Variants in NKD1 observed in about 807,000 individuals in gnomAD.
The protein encoded by NKD1 is NKD inhibitor of Wnt signaling pathway 1, also known as protein naked cuticle homolog 1.
In NKD1, 21 loss-of-function variants were observed where a neutral mutation model predicts 56.0. The ratio of observed to expected loss-of-function variants is 0.38; its 90% CI spans 0.27 to 0.54. NKD1 has a LOEUF of 0.54. NKD1 is among the 20% of genes least tolerant of loss of function. The pLI, the probability that NKD1 is intolerant of heterozygous loss-of-function variation, is 0.82. For synonymous variants in NKD1, 263 were observed against 265.7 expected (o/e 0.99, Z 0.10); for missense variants, 578 against 642.7 (o/e 0.90, Z 1.09).
chr16:50,549,983 TTGTC>T (rs1960342422), intron 3 of NKD1, among the ~76,000 whole-genome samples: 1 of 152,066 alleles, frequency 6.6e-6, no homozygotes, highest in Non-Finnish European at 1.5e-5. Context: ...TATGTTCTGA[TTGTC>T]TGTGGCATTC....
Position 50,633,277 on chromosome 16 carries a change from C to A in NKD1, c.909C>A (p.Ile303=). 1 of 1,614,186 alleles carries A rather than the reference C, an allele frequency of 6.2e-7. No homozygotes were observed. Among genetic ancestry groups the A allele is most frequent in the Non-Finnish European group, 8.5e-7 (1 of 1,180,018 alleles). The change falls in exon 10 of 10, where the codon ATC becomes ATA. Residue 303 remains isoleucine, a synonymous_variant. Coordinates refer to ENST00000268459, the MANE Select transcript of NKD1 (RefSeq NM_033119.5). The surrounding 1 kb of genome is among the most constrained non-coding windows in gnomAD (Gnocchi z 4.9). ...CTCGCTCCCATGAGCCGGAAGCCAT[C>A]CACATCCCACACCGAAAGCCCCAAG... ...TRSRSHEPEA[I]HIPHRKPQGV... is the part of the protein sequence containing the mutation.
intron 3 of NKD1, among the ~76,000 whole-genome samples, chr16:50,601,130 G>GA (rs1349341298): frequency 6.6e-6 from 1 of 152,232 alleles, no homozygotes; most frequent in East Asian, 1.9e-4. Flanking sequence ...TCTCGCCTCA[G>GA]CCTCCGCAGC....
At chr16:50,603,196 AT>A (rs1252540019) in intron 3 of NKD1, among the ~76,000 whole-genome samples, 1 of 152,244 alleles carries the variant, frequency 6.6e-6, no homozygotes, top group Non-Finnish European at 1.5e-5. Flanking sequence ...AAATTAAGTA[AT>A]GTGTCTGCTG....
intron 3 of NKD1, among the ~76,000 whole-genome samples, chr16:50,565,466 C>T (rs990342398): frequency 6.6e-6 from 1 of 152,012 alleles, no homozygotes; most frequent in South Asian, 2.1e-4. Flanking sequence ...ATTGCTTGAG[C>T]CCAGGAGTTT....
chr16:50,588,453 CTG>C (rs1169144206), intron 3 of NKD1, among the ~76,000 whole-genome samples: 1 of 152,224 alleles, frequency 6.6e-6, no homozygotes, highest in African/African-American at 2.4e-5. Context: ...CCCCACTGGG[CTG>C]AGATCTGTTC....
intron 3 of NKD1, among the ~76,000 whole-genome samples, chr16:50,597,048 T>G (rs909746888): frequency 4.0e-5 from 6 of 151,498 alleles, no homozygotes; most frequent in Admixed American, 3.9e-4. Flanking sequence ...GGGGCTTTGA[T>G]GGGCTTTGGT....
In NKD1 at chr16:50,549,417, C is replaced by G. The variant is rs1960323954; in HGVS notation, c.59-5C>G. ...CTCAGGGGCTTCATGTCGTCCCCGTCCCAGGTGACAGCTTCGCCGTGAGCG... is the reference window on the plus strand; with the variant it reads ...CTCAGGGGCTTCATGTCGTCCCCGTGCCAGGTGACAGCTTCGCCGTGAGCG... On this transcript the variant is annotated splice_polypyrimidine_tract_variant and splice_region_variant and intron_variant, in intron 2 of 9. Coordinates refer to ENST00000268459, the MANE Select transcript of NKD1 (RefSeq NM_033119.5). 1 of 1,610,556 alleles carries G rather than the reference C, an allele frequency of 6.2e-7. No homozygotes were observed. The highest frequency in any genetic ancestry group is 1.3e-5 in the African/African-American group (1 of 74,742).
intron 2 of NKD1, chr16:50,549,006 G>T: frequency 1.3e-6 from 1 of 785,128 alleles, no homozygotes. Flanking sequence ...CGGCTCTCAC[G>T]GCACCCTCTC....
rs1960325744 is a variant in NKD1, at chr16:50,549,466, G to A, written c.103G>A (p.Glu35Lys). The A allele has an allele frequency of 4.3e-6, 7 of 1,611,264 alleles. No individual in the cohort carries two copies. Among genetic ancestry groups the A allele is most frequent in the Middle Eastern group, 3.3e-4 (2 of 6,052 alleles). The part of the protein sequence containing the change: ...VSAAWARKGI[E>K]EWIGRQRCPG... ...CGCTGCCTGGGCTCGGAAGGGCATCGAGGAGTGGATCGGGAGACAGCGCTG... is the reference window on the plus strand; with the variant it reads ...CGCTGCCTGGGCTCGGAAGGGCATCAAGGAGTGGATCGGGAGACAGCGCTG... The change falls in exon 3 of 10, where the codon GAG becomes AAG. Residue 35 changes from glutamate to lysine, a missense_variant. By Grantham distance (56) the Glu-to-Lys change is moderately conservative. Coordinates refer to ENST00000268459, the MANE Select transcript of NKD1 (RefSeq NM_033119.5).
chr16:50,589,663 T>C (rs1343856564), intron 3 of NKD1, among the ~76,000 whole-genome samples: 2 of 152,076 alleles, frequency 1.3e-5, no homozygotes, highest in Non-Finnish European at 2.9e-5. Context: ...ATGGATCATG[T>C]TGGAGGCCTT....
intron 4 of NKD1, chr16:50,616,098 A>G (rs998847069): frequency 2.2e-6 from 1 of 455,876 alleles, no homozygotes; most frequent in African/African-American, 2.0e-5. Flanking sequence ...CAACCCTGAG[A>G]CTAAAATATT....
rs1415780902 is a variant in NKD1, at chr16:50,636,255, C to A, written c.*2474C>A. 6.6e-6 allele frequency: 1 copy of A among 152,150 alleles called. No homozygotes were observed. The highest frequency in any genetic ancestry group is 1.5e-5 in the Non-Finnish European group (1 of 68,064). The allele number at this position is 152,150 out of a possible 1,614,324, so 9.4% of individuals were successfully genotyped here. On this transcript the variant is annotated 3_prime_UTR_variant, in exon 10 of 10. Coordinates refer to ENST00000268459, the MANE Select transcript of NKD1 (RefSeq NM_033119.5). ...CATCCCAGGCCCCGAATTGCTGCAA[C>A]CCTGGAGGCCAGCCCGGAGTTGAGA...
At chr16:50,572,597 C>T (rs150690529) in intron 3 of NKD1, among the ~76,000 whole-genome samples, 1 of 152,210 alleles carries the variant, frequency 6.6e-6, no homozygotes, top group African/African-American at 2.4e-5. Context: ...TGCTCTAACT[C>T]AGGGGAGGCG....
At position 50,634,064 on chromosome 16, in the gene NKD1, A is replaced by C; in HGVS notation, c.*283A>C. ...TCCCTCGGGGCTCGGGATCTGCAGC[A>C]TCTATGTGGATCAGCCCACACCCTT... is the stretch of plus-strand genomic sequence containing the variant. On this transcript the variant is annotated 3_prime_UTR_variant, in exon 10 of 10. Coordinates refer to ENST00000268459, the MANE Select transcript of NKD1 (RefSeq NM_033119.5). The C allele has an allele frequency of 6.8e-6, 2 of 293,848 alleles. No homozygotes were observed. The highest frequency in any genetic ancestry group is 6.2e-6 in the Non-Finnish European group (1 of 160,474). The allele number at this position is 293,848 out of a possible 1,614,324, so 18.2% of individuals were successfully genotyped here.
At chr16:50,615,274 C>T (rs16948672) in intron 4 of NKD1, among the ~76,000 whole-genome samples, 15,578 of 152,130 alleles carry the variant, frequency 0.1, 2,026 homozygotes, top group African/African-American at 0.31. Context: ...TGCTACTTAC[C>T]GTTGTTTCAT....
chr16:50,621,888 C>G (rs1274665252), intron 5 of NKD1, among the ~76,000 whole-genome samples, 180 bp downstream of exon 5: 1 of 152,200 alleles, frequency 6.6e-6, no homozygotes, highest in Non-Finnish European at 1.5e-5. Context: ...AGGGCAGACC[C>G]CAGGGACTCA....
At position 50,618,986 on chromosome 16, in the gene NKD1, C is replaced by T. The variant is rs12051254; in HGVS notation, c.260-2616C>T. Among the ~76,000 whole-genome samples the T allele has an allele frequency of 7.8e-4, 119 of 152,268 alleles. No individual in the cohort carries two copies. In the East Asian group the frequency reaches 0.022, roughly 29 times the overall value. ...AAGAGTGCTCCAGAGGAGGAGAGAG[C>T]AGGGACAGAGGTTCCTTTTCTTTGG... On this transcript the variant is annotated intron_variant, in intron 4 of 9. Transcript: ENST00000268459.
At chr16:50,627,218 G>C (rs1962240766) in intron 6 of NKD1, among the ~76,000 whole-genome samples, 1 of 152,136 alleles carries the variant, frequency 6.6e-6, no homozygotes, top group Admixed American at 6.5e-5. Context: ...GGGATGGCTT[G>C]ACCCAGAGGC....
At chr16:50,601,642 C>T (rs4785222) in intron 3 of NKD1, among the ~76,000 whole-genome samples, 22,976 of 152,158 alleles carry the variant, frequency 0.15, 3,929 homozygotes, top group African/African-American at 0.42. Context: ...AAGAGCTCGT[C>T]CCCGTCAGCT....
Sources: allele counts gnomAD v4.1 joint callset (sites outside exome capture counted in the v4.1 genomes callset), GRCh38; gene constraint gnomAD v4.1.1; non-coding constraint Gnocchi (gnomAD v3.1); transcripts MANE v1.5; gene names NCBI Gene and HGNC (gene_info 2026-07-23, HGNC 2026-07-21).